Variants in PKNOX2 observed in about 807,000 individuals in gnomAD.
The protein encoded by PKNOX2 is PBX/knotted 1 homeobox 2, also known as homeobox protein PKNOX2.
A neutral mutation model predicts 53.1 loss-of-function variants in PKNOX2; 14 were observed. The ratio of observed to expected loss-of-function variants is 0.26; its 90% CI spans 0.17 to 0.41. The LOEUF (loss-of-function observed/expected upper bound fraction) is 0.41. Ranked by LOEUF, PKNOX2 falls within the 10% of genes least tolerant of loss-of-function variation. The pLI, the probability that PKNOX2 is intolerant of heterozygous loss-of-function variation, is 1.00. For synonymous variants in PKNOX2, 257 were observed against 242.8 expected, an observed-to-expected ratio of 1.06 and a Z score of -0.54; for missense variants, 496 against 602.8, an observed-to-expected ratio of 0.82 and a Z score of 1.85.
In PKNOX2 at chr11:125,410,194, AGGAC is replaced by A; in HGVS notation, c.589-1_591del. ...CACAAACCACGCCTCCCTCACTGCC[AGGAC>A]CTCCTGCAGAATTCCCCCAATTCCA... is the stretch of plus-strand genomic sequence containing the variant. On this transcript the variant is annotated splice_acceptor_variant and coding_sequence_variant, in exon 8 of 13. Coordinates refer to ENST00000298282, the MANE Select transcript of PKNOX2 (RefSeq NM_001382323.2). LOFTEE classifies it high-confidence loss of function. 1 of 1,613,880 alleles carries A rather than the reference AGGAC, an allele frequency of 6.2e-7. No individual in the cohort carries two copies. The highest frequency in any genetic ancestry group is 8.5e-7 in the Non-Finnish European group (1 of 1,179,856).
intron 1 of PKNOX2, among the ~76,000 whole-genome samples, chr11:125,174,925 G>A (rs1955595697): frequency 6.6e-6 from 1 of 152,098 alleles, no homozygotes; most frequent in South Asian, 2.1e-4. Flanking sequence ...GGTCCCCTGG[G>A]GCCCTCTTGA....
intron 12 of PKNOX2, 66 bp downstream of exon 12, chr11:125,430,207 A>G (rs1956631980): frequency 6.5e-7 from 1 of 1,540,444 alleles, no homozygotes; most frequent in Admixed American, 1.9e-5. Flanking sequence ...TCTTCAGGTC[A>G]AGCCGTGCAA....
intron 4 of PKNOX2, among the ~76,000 whole-genome samples, chr11:125,355,632 C>T (rs369539963): frequency 6.6e-6 from 1 of 152,210 alleles, no homozygotes; most frequent in South Asian, 2.1e-4. Flanking sequence ...TGTTCTGTAT[C>T]TCTGCCATAG....
rs919341174 is a variant in PKNOX2 at position 125,352,005 on chromosome 11, C to T, written c.87+613C>T. ...CACAGCCGCCCCCCAAGATCTTCTG[C>T]GCTCCCCACCCCGATTGCCTCTCCT... is the stretch of plus-strand genomic sequence containing the variant. On this transcript the variant is annotated intron_variant, in intron 4 of 12. Coordinates refer to ENST00000298282, the MANE Select transcript of PKNOX2 (RefSeq NM_001382323.2). This position sits in a 1 kb window ranked among gnomAD's most constrained non-coding sequence, Gnocchi z 4.1. Among the ~76,000 whole-genome samples, 1 of 152,088 alleles carries T rather than the reference C, an allele frequency of 6.6e-6. No homozygotes were observed. Among genetic ancestry groups the T allele is most frequent in the African/African-American group, 2.4e-5 (1 of 41,414 alleles).
intron 1 of PKNOX2, among the ~76,000 whole-genome samples, chr11:125,219,939 T>C (rs1430441517): frequency 6.6e-6 from 1 of 152,230 alleles, no homozygotes; most frequent in East Asian, 1.9e-4. Flanking sequence ...AAATGACATA[T>C]GTCTAAGTAC....
chr11:125,368,427 G>C (rs1952313861), intron 5 of PKNOX2, among the ~76,000 whole-genome samples: 1 of 152,222 alleles, frequency 6.6e-6, no homozygotes, highest in Non-Finnish European at 1.5e-5. Context: ...GGGAGAGCTT[G>C]TTAAAACACA....
At chr11:125,406,523 A>G (rs1955110592) in intron 7 of PKNOX2, among the ~76,000 whole-genome samples, 1 of 152,178 alleles carries the variant, frequency 6.6e-6, no homozygotes, top group Non-Finnish European at 1.5e-5. Context: ...TAGTTGAGTG[A>G]CCTTAGCCAA....
intron 1 of PKNOX2, among the ~76,000 whole-genome samples, chr11:125,180,028 A>G (rs1045182681): frequency 6.6e-6 from 1 of 152,096 alleles, no homozygotes; most frequent in Non-Finnish European, 1.5e-5. Context: ...CACTACACGC[A>G]CACGGGCCTT....
At chr11:125,185,926 T>C (rs1313849832) in intron 1 of PKNOX2, among the ~76,000 whole-genome samples, 1 of 152,230 alleles carries the variant, frequency 6.6e-6, no homozygotes, top group Non-Finnish European at 1.5e-5. Flanking sequence ...GGTAATTCTA[T>C]GTTTAACTTT....
chr11:125,266,212 G>A (rs549089531), intron 2 of PKNOX2, among the ~76,000 whole-genome samples: 168 of 152,278 alleles, frequency 1.1e-3, no homozygotes, highest in African/African-American at 3.1e-3. Flanking sequence ...CTCCTCCCCC[G>A]TCAGTGGTAA....
At chr11:125,213,848 G>T (rs542431359) in intron 1 of PKNOX2, among the ~76,000 whole-genome samples, 5 of 152,090 alleles carry the variant, frequency 3.3e-5, no homozygotes, top group South Asian at 2.1e-4. Context: ...GAGATGGTGC[G>T]CACAGAGGAA....
intron 1 of PKNOX2, among the ~76,000 whole-genome samples, chr11:125,206,204 G>A (rs906879380): frequency 4.6e-5 from 7 of 151,976 alleles, no homozygotes; most frequent in Non-Finnish European, 7.4e-5. Context: ...GGGGAGAACC[G>A]AGAAGGAAAC....
chr11:125,229,496 G>A (rs1942013884), intron 1 of PKNOX2, among the ~76,000 whole-genome samples: 2 of 152,194 alleles, frequency 1.3e-5, no homozygotes, highest in South Asian at 4.1e-4. Context: ...CACTGGACAG[G>A]CAAGAGTCAA....
At chr11:125,367,265 A>C (rs924333188) in intron 4 of PKNOX2, among the ~76,000 whole-genome samples, 1 of 152,212 alleles carries the variant, frequency 6.6e-6, no homozygotes, top group Non-Finnish European at 1.5e-5. Flanking sequence ...CCTGCCCTAA[A>C]TATTTGTTAT....
At chr11:125,334,054 C>T (rs983917654) in intron 3 of PKNOX2, among the ~76,000 whole-genome samples, 1 of 152,102 alleles carries the variant, frequency 6.6e-6, no homozygotes, top group African/African-American at 2.4e-5. Flanking sequence ...TAGGAGGAGG[C>T]TGGGGGCCAG....
In PKNOX2 at chr11:125,320,772, C is replaced by T. The variant is rs565124548; in HGVS notation, c.-129-11047C>T. Among the ~76,000 whole-genome samples the T allele has an allele frequency of 2.0e-5, 3 of 152,336 alleles. No homozygotes were observed. The South Asian group carries it at 6.2e-4, about 32-fold the overall frequency. ...GGGTCAAAAAAATCCCCACACTGCC[C>T]TTGCCCTTAAGCGTGCTGCCTCCTG... On this transcript the variant is annotated intron_variant, in intron 2 of 12. Transcript: ENST00000298282.
chr11:125,229,729 G>A (rs954050560), intron 1 of PKNOX2, among the ~76,000 whole-genome samples: 1 of 152,174 alleles, frequency 6.6e-6, no homozygotes, highest in African/African-American at 2.4e-5. Context: ...GAATTAGTAA[G>A]TCTTGGGTCT....
chr11:125,420,228 TA>T (rs34911472), intron 10 of PKNOX2, among the ~76,000 whole-genome samples: 44 of 145,578 alleles, frequency 3.0e-4, no homozygotes, highest in Admixed American at 9.5e-4. Flanking sequence ...GTTTTTTATT[TA>T]AAAAAAAAAA....
At chr11:125,295,891 A>G (rs912938409) in intron 2 of PKNOX2, among the ~76,000 whole-genome samples, 3 of 152,078 alleles carry the variant, frequency 2.0e-5, no homozygotes, top group Non-Finnish European at 4.4e-5. Flanking sequence ...TCAATATGTT[A>G]AAAGCTCTTC....
Sources: gnomAD v4.1 joint callset for allele counts (sites outside exome capture counted in the v4.1 genomes callset) on GRCh38, gnomAD v4.1.1 for gene constraint, Gnocchi (gnomAD v3.1) non-coding constraint, MANE v1.5 for transcripts, NCBI Gene and HGNC (gene_info 2026-07-23, HGNC 2026-07-21) for gene names.